PMPCA: variants seen among roughly 807,000 people sequenced by gnomAD.
The protein encoded by PMPCA is peptidase, mitochondrial processing subunit alpha.
A neutral mutation model predicts 59.3 loss-of-function variants in PMPCA; 47 were observed. The observed-to-expected ratio is 0.79, with a 90% CI of 0.63 to 1.01. PMPCA has a LOEUF of 1.01. Ranked by LOEUF, PMPCA falls within the 50% of genes least tolerant of loss-of-function variation. PMPCA has a pLI of 0.00. For missense variants in PMPCA, 726 were observed against 704.5 expected (o/e 1.03, Z -0.34); for synonymous variants, 338 against 290.3 (o/e 1.16, Z -1.67).
rs1328790138 is a variant in PMPCA at position 136,417,998 on chromosome 9, C to T, written c.898-19C>T. The T allele has an allele frequency of 6.3e-7, 1 of 1,581,926 alleles. No individual in the cohort carries two copies. The highest frequency in any genetic ancestry group is 1.7e-5 in the Admixed American group (1 of 59,982). On this transcript the variant is annotated intron_variant, in intron 7 of 12. Transcript: ENST00000371717. The stretch of plus-strand genomic sequence containing the variant: ...ATTGTTTTTCACATGGCGACACTTG[C>T]TTGTTTTCTTGGTTACAGCTAGAAA...
chr9:136,416,020 T>C, intron 5 of PMPCA: 1 of 553,824 alleles, frequency 1.8e-6, no homozygotes, highest in South Asian at 2.3e-5. Flanking sequence ...CTTCGGTGCC[T>C]TTCACCAGCA....
At chr9:136,413,777 C>T (rs1206936675) in intron 4 of PMPCA, among the ~76,000 whole-genome samples, 1 of 152,194 alleles carries the variant, frequency 6.6e-6, no homozygotes, top group African/African-American at 2.4e-5. Context: ...GGCTTTTGTT[C>T]TTGCCATTCT....
chr9:136,412,735 T>G (rs1323999188), intron 3 of PMPCA, 75 bp from the exon 4 acceptor site: 4 of 960,798 alleles, frequency 4.2e-6, no homozygotes, highest in Non-Finnish European at 6.6e-6. Context: ...AAAGCAAAAG[T>G]AGATTTTAAA....
intron 12 of PMPCA, 111 bp downstream of exon 12, chr9:136,422,087 C>T (rs1173697739): frequency 9.7e-6 from 15 of 1,546,510 alleles, no homozygotes; most frequent in Non-Finnish European, 1.2e-5. Flanking sequence ...CCATCACACC[C>T]AGAATCTGGG....
chr9:136,419,336 CAG>C, intron 11 of PMPCA: 1 of 606,514 alleles, frequency 1.6e-6, no homozygotes, highest in Non-Finnish European at 3.0e-6. Flanking sequence ...AACAGAAAAA[CAG>C]ACCACCGCCC....
chr9:136,414,531 A>T, intron 4 of PMPCA, 22 bp from the exon 5 acceptor site: 1 of 1,535,420 alleles, frequency 6.5e-7, no homozygotes, highest in Non-Finnish European at 9.0e-7. Context: ...GCCTGGCATT[A>T]TGGGCTTGTG....
chr9:136,413,456 G>A lies in PMPCA; in HGVS notation c.437+564G>A, dbSNP rs139371803. Among the ~76,000 whole-genome samples the A allele has an allele frequency of 2.5e-3, 380 of 152,224 alleles. 1 individual carries two copies. The highest frequency in any genetic ancestry group is 8.7e-3 in the African/African-American group (361 of 41,532). On this transcript the variant is annotated intron_variant, in intron 4 of 12. Transcript: ENST00000371717. ...GTGGAGCTTGTTCAGAAAGCACTGG[G>A]CAATGTGAGATGGGTGAATATAGAT...
At chr9:136,422,774 G>C in intron 12 of PMPCA, 4 of 1,140,130 alleles carry the variant, frequency 3.5e-6, no homozygotes, top group Non-Finnish European at 4.3e-6. Context: ...CGGGGGCTGG[G>C]GGTTTTTTCT....
At chr9:136,421,558 C>T (rs1046779777) in intron 11 of PMPCA, among the ~76,000 whole-genome samples, 9 of 151,974 alleles carry the variant, frequency 5.9e-5, no homozygotes, top group African/African-American at 1.5e-4. Context: ...TACAGGCGCC[C>T]GCCACCACGC....
intron 12 of PMPCA, chr9:136,422,214 C>T (rs1264291290): frequency 1.4e-6 from 2 of 1,472,892 alleles, no homozygotes; most frequent in Admixed American, 2.1e-5. Context: ...GTGACCCCAC[C>T]CTCTGCACCC....
Position 136,412,194 on chromosome 9 carries a change from T to C in PMPCA, c.269T>C (p.Val90Ala). The change falls in exon 2 of 13, where the codon GTA becomes GCA. Residue 90 changes from valine (V) to alanine (A), a missense_variant. By Grantham distance (64) the Val-to-Ala change is moderately conservative. Transcript: ENST00000371717. ...AATAAGTTTGGACAGTTTTGTACAG[T>C]AGGAAGTAAGTACTGTTGTGTTGTC... ...SQNKFGQFCT[V>A]GILINSGSRY... is the part of the protein sequence containing the mutation. 8 of 1,610,238 alleles carry C rather than the reference T, an allele frequency of 5.0e-6. No homozygotes were observed. The highest frequency in any genetic ancestry group is 5.9e-6 in the Non-Finnish European group (7 of 1,176,588).
At chr9:136,419,435 C>G in intron 11 of PMPCA, 1 of 465,478 alleles carries the variant, frequency 2.1e-6, no homozygotes, top group Non-Finnish European at 4.0e-6. Context: ...GCTTTGCTGG[C>G]GAAACGCTGC....
chr9:136,417,977 T>C, intron 7 of PMPCA, 40 bp from the exon 8 acceptor site: 1 of 1,459,320 alleles, frequency 6.9e-7, no homozygotes, highest in Non-Finnish European at 9.6e-7. Flanking sequence ...GCCCTCATTG[T>C]TTTTCACATG....
chr9:136,422,305 C>G, intron 12 of PMPCA: 1 of 1,230,276 alleles, frequency 8.1e-7, no homozygotes, highest in African/African-American at 1.5e-5. Context: ...TAGAGGACTG[C>G]TACATTGTAC....
intron 12 of PMPCA, chr9:136,422,235 C>T (rs2131596725): frequency 7.0e-7 from 1 of 1,422,704 alleles, no homozygotes; most frequent in Non-Finnish European, 9.3e-7. Flanking sequence ...CTGGGAGGGG[C>T]TGTCACTACT....
intron 4 of PMPCA, 113 bp downstream of exon 4, chr9:136,413,005 G>T: frequency 2.7e-6 from 2 of 731,044 alleles, no homozygotes; most frequent in Non-Finnish European, 4.9e-6. Flanking sequence ...GATTCACGGG[G>T]AGAAGGAGCC....
At position 136,411,026 on chromosome 9, in the gene PMPCA, TTCA is replaced by T. The variant is rs768199884; in HGVS notation, c.71+288_71+290del. 2.5e-4 allele frequency: 91 copies of T among 357,008 alleles called. 1 individual carries two copies. The Middle Eastern group carries it at 3.6e-3, about 14-fold the overall frequency. 22.1% of individuals were successfully genotyped at this position (357,008 alleles called of 1,614,324 possible). ...CCATGCCTCATATTTGCCCCCGCGC[TTCA>T]CCTACCGCGTGCTCCTTCAGGAGGC... On this transcript the variant is annotated intron_variant, in intron 1 of 12. Transcript: ENST00000371717.
Position 136,417,647 on chromosome 9 carries a change from G to T in PMPCA, c.898-370G>T, listed in dbSNP as rs376869339. Among the ~76,000 whole-genome samples the T allele has an allele frequency of 1.1e-4, 17 of 151,966 alleles. No homozygotes were observed. The East Asian group carries it at 2.1e-3, about 19-fold the overall frequency. On this transcript the variant is annotated intron_variant, in intron 7 of 12. Transcript: ENST00000371717. Reference sequence around the variant, plus strand: ...CCGGCTAAATTTTGTATAGAGATGGGGTTTCACTATGTTGGCCAGGCTGGT... The same window carrying T: ...CCGGCTAAATTTTGTATAGAGATGGTGTTTCACTATGTTGGCCAGGCTGGT...
At chr9:136,416,740 A>G in intron 6 of PMPCA, 4 of 593,800 alleles carry the variant, frequency 6.7e-6, no homozygotes, top group Non-Finnish European at 1.2e-5. Flanking sequence ...AACACAATTA[A>G]TCTTAGGCTT....
Sources: allele counts gnomAD v4.1 joint callset (sites outside exome capture counted in the v4.1 genomes callset), GRCh38; gene constraint gnomAD v4.1.1; transcripts MANE v1.5; gene names NCBI Gene and HGNC (gene_info 2026-07-23, HGNC 2026-07-21).